The following CTNNA2 variants were observed in gnomAD, a reference collection of about 807,000 sequenced individuals.
CTNNA2 encodes catenin alpha 2, also known as catenin alpha-2.
A neutral mutation model predicts 101.0 loss-of-function variants in CTNNA2; 42 were observed. The observed-to-expected ratio is 0.42, with a 90% CI of 0.32 to 0.54. The LOEUF is 0.54. Among genes scored for constraint, CTNNA2 ranks in the 20% least tolerant of loss-of-function variants. The pLI, the probability that CTNNA2 is intolerant of heterozygous loss-of-function variation, is 0.14. For missense variants in CTNNA2, 871 were observed against 1,223.1 expected (o/e 0.71, Z 4.29); for synonymous variants, 450 against 456.4 (o/e 0.99, Z 0.18).
intron 3 of CTNNA2, among the ~76,000 whole-genome samples, chr2:79,814,262 G>A (rs1677287372): frequency 1.3e-5 from 2 of 152,038 alleles, no homozygotes; most frequent in Admixed American, 1.3e-4. Flanking sequence ...GTAGGTTATT[G>A]GGGTACAGGT....
At chr2:80,271,574 A>G (rs1673489707) in intron 7 of CTNNA2, among the ~76,000 whole-genome samples, 1 of 152,146 alleles carries the variant, frequency 6.6e-6, no homozygotes, top group African/African-American at 2.4e-5. Flanking sequence ...GGCGCAAGCC[A>G]CCACGCCAGG....
intron 4 of CTNNA2, among the ~76,000 whole-genome samples, chr2:79,474,097 A>T (rs898154211): frequency 2.6e-5 from 4 of 152,200 alleles, no homozygotes; most frequent in Admixed American, 6.5e-5. Context: ...AAGCAAAAAA[A>T]GTAGCAACTG....
intron 3 of CTNNA2, among the ~76,000 whole-genome samples, chr2:79,765,850 C>T (rs1262237095): frequency 2.6e-5 from 4 of 152,288 alleles, no homozygotes; most frequent in Non-Finnish European, 2.9e-5. Flanking sequence ...ATGTTACTTG[C>T]GTACTCCCTC....
intron 7 of CTNNA2, among the ~76,000 whole-genome samples, chr2:80,144,885 G>A (rs552658013): frequency 5.9e-5 from 9 of 152,164 alleles, no homozygotes; most frequent in African/African-American, 1.9e-4. Flanking sequence ...TCTTTGTTGT[G>A]GAAGATTGTC....
intron 2 of CTNNA2, among the ~76,000 whole-genome samples, chr2:79,303,794 C>A (rs952333010): frequency 4.0e-5 from 6 of 151,674 alleles, no homozygotes; most frequent in African/African-American, 1.5e-4. Context: ...TTCACAGGAC[C>A]AATGGGAAGT....
At chr2:79,766,799 A>G (rs1193534498) in intron 3 of CTNNA2, among the ~76,000 whole-genome samples, 1 of 151,470 alleles carries the variant, frequency 6.6e-6, no homozygotes, top group African/African-American at 2.4e-5. Flanking sequence ...TTTGTCACCC[A>G]GGCTGGAGTG....
intron 7 of CTNNA2, among the ~76,000 whole-genome samples, chr2:80,231,440 A>G (rs868093656): frequency 2.0e-5 from 3 of 152,158 alleles, no homozygotes; most frequent in Non-Finnish European, 4.4e-5. Flanking sequence ...CTTCTTAGGC[A>G]ATTTCTACTG....
intron 15 of CTNNA2, among the ~76,000 whole-genome samples, chr2:80,596,317 T>G (rs1696970386): frequency 1.1e-5 from 1 of 87,326 alleles, no homozygotes; most frequent in Non-Finnish European, 2.2e-5. Flanking sequence ...TTTTTTTTTT[T>G]TTTTTTTTTT....
At chr2:79,963,123 T>C (rs1383029211) in intron 7 of CTNNA2, among the ~76,000 whole-genome samples, 2 of 151,298 alleles carry the variant, frequency 1.3e-5, no homozygotes, top group Non-Finnish European at 2.9e-5. Flanking sequence ...GTCTCACATA[T>C]TGCCATATTG....
chr2:80,076,709 A>G (rs993021007), intron 7 of CTNNA2, among the ~76,000 whole-genome samples: 1 of 151,920 alleles, frequency 6.6e-6, no homozygotes, highest in Admixed American at 6.6e-5. Flanking sequence ...TATAAGCCTT[A>G]TAACCAAGTA....
At chr2:79,624,363 G>T (rs6745816) in intron 1 of CTNNA2, among the ~76,000 whole-genome samples, 21,606 of 151,874 alleles carry the variant, frequency 0.14, 2,697 homozygotes, top group African/African-American at 0.34. Context: ...TTAGCAAATA[G>T]CTCACCTTCT....
At chr2:80,346,303 C>T (rs1482565322) in intron 7 of CTNNA2, among the ~76,000 whole-genome samples, 1 of 152,098 alleles carries the variant, frequency 6.6e-6, no homozygotes, top group Non-Finnish European at 1.5e-5. Flanking sequence ...TCTGGGAAGG[C>T]CCCAGGAAGC....
chr2:79,897,361 C>T (rs1238043764), intron 6 of CTNNA2, among the ~76,000 whole-genome samples: 1 of 149,994 alleles, frequency 6.7e-6, no homozygotes, highest in East Asian at 2.0e-4. Flanking sequence ...TTTAAAGTCT[C>T]GATGAAGGAA....
intron 2 of CTNNA2, among the ~76,000 whole-genome samples, chr2:79,660,483 A>C (rs1162914063): frequency 6.6e-6 from 1 of 151,892 alleles, no homozygotes; most frequent in Non-Finnish European, 1.5e-5. Context: ...AAAGACTATA[A>C]AATATTTTTA....
chr2:79,586,657 T>G (rs961852701), intron 1 of CTNNA2, among the ~76,000 whole-genome samples: 1 of 152,168 alleles, frequency 6.6e-6, no homozygotes, highest in Non-Finnish European at 1.5e-5. Flanking sequence ...AGATTTGAAT[T>G]TTTTTTAACT....
chr2:79,692,561 A>G (rs972611685), intron 2 of CTNNA2, among the ~76,000 whole-genome samples: 41 of 152,238 alleles, frequency 2.7e-4, no homozygotes, highest in African/African-American at 9.1e-4. Context: ...GCTACCATAA[A>G]GACACATGCA....
chr2:79,901,378 C>T (rs1312957052), intron 6 of CTNNA2, among the ~76,000 whole-genome samples: 2 of 152,072 alleles, frequency 1.3e-5, no homozygotes, highest in African/African-American at 4.8e-5. Flanking sequence ...ATTTTCCTTA[C>T]TTGTTGCCTT....
At chr2:79,829,438 C>A (rs189648316) in intron 3 of CTNNA2, among the ~76,000 whole-genome samples, 1 of 149,078 alleles carries the variant, frequency 6.7e-6, no homozygotes, top group African/African-American at 2.5e-5. Context: ...GGCGAGATGG[C>A]GGGCGCCTGT....
chr2:79,841,609 T>A (rs1679821441), intron 3 of CTNNA2, among the ~76,000 whole-genome samples: 1 of 152,240 alleles, frequency 6.6e-6, no homozygotes, highest in African/African-American at 2.4e-5. Flanking sequence ...AGCAGACTAA[T>A]CTTTATAGAT....
Sources: allele counts gnomAD v4.1 joint callset (sites outside exome capture counted in the v4.1 genomes callset), GRCh38; gene constraint gnomAD v4.1.1; transcripts MANE v1.5; gene names NCBI Gene and HGNC (gene_info 2026-07-23, HGNC 2026-07-21).